FKBP5: variants seen among roughly 807,000 people sequenced by gnomAD.
FKBP5 encodes peptidyl-prolyl cis-trans isomerase FKBP5.
FKBP5 carries 23 observed loss-of-function variants against 50.5 expected under a neutral mutation model. That is an observed-to-expected ratio of 0.46 (90% confidence interval 0.33 to 0.65). FKBP5 has a LOEUF of 0.65. Among genes scored for constraint, FKBP5 ranks in the 30% least tolerant of loss-of-function variants. The pLI is 0.02. For synonymous variants in FKBP5, 176 were observed against 190.6 expected (o/e 0.92, Z 0.63); for missense variants, 411 against 553.1 (o/e 0.74, Z 2.58).
chr6:35,714,744 G>A (rs1332235924), intron 2 of FKBP5, among the ~76,000 whole-genome samples: 6 of 150,176 alleles, frequency 4.0e-5, no homozygotes, highest in Non-Finnish European at 8.8e-5. Flanking sequence ...TTGAACCTGG[G>A]AGATGGAGGT....
rs186264450 is a variant in FKBP5, at chr6:35,707,517, G to A, written c.-20+12811C>T. Among the ~76,000 whole-genome samples the A allele has an allele frequency of 2.4e-3, 371 of 152,066 alleles. 1 individual carries two copies. Among genetic ancestry groups the A allele is most frequent in the Non-Finnish European group, 3.4e-3 (232 of 67,982 alleles). On this transcript the variant is annotated intron_variant, in intron 2 of 11. Transcript: ENST00000536438. ...ATTACAGGCGTGAGCCACCGCGCCC[G>A]GCCATGAAAAGACTTTTGACCTAAC...
intron 2 of FKBP5, among the ~76,000 whole-genome samples, chr6:35,709,297 C>G (rs990361071): frequency 6.6e-6 from 1 of 152,150 alleles, no homozygotes; most frequent in Non-Finnish European, 1.5e-5. Flanking sequence ...AGACCTGCCC[C>G]CATGATTCAA....
intron 1 of FKBP5, among the ~76,000 whole-genome samples, chr6:35,679,406 CCTATT>C (rs1406576808): frequency 6.6e-6 from 1 of 152,100 alleles, no homozygotes; most frequent in Non-Finnish European, 1.5e-5. Flanking sequence ...GGGGAAAAGG[CCTATT>C]CTGTCATTTC....
chr6:35,631,722 C>T (rs185506664), intron 3 of FKBP5, among the ~76,000 whole-genome samples: 90 of 151,950 alleles, frequency 5.9e-4, no homozygotes, highest in African/African-American at 2.1e-3. Context: ...TTTGGGAGGC[C>T]GAGGTGGGTG....
In FKBP5 at chr6:35,608,512, T is replaced by C. The variant is rs113664093; in HGVS notation, c.508+10584A>G. The stretch of plus-strand genomic sequence containing the variant: ...GAGTTCAAGACCAGCTTGAGCAATA[T>C]AGCAAGACCCCGTCTCTAAAAGGAT... On this transcript the variant is annotated intron_variant, in intron 5 of 10. Coordinates refer to ENST00000357266, the MANE Select transcript of FKBP5 (RefSeq NM_004117.4). 5.1e-3 allele frequency among the ~76,000 whole-genome samples: 780 copies of C among 152,120 alleles called. 8 individuals are homozygous for C. The highest frequency in any genetic ancestry group is 0.017 in the African/African-American group (709 of 41,494).
At chr6:35,664,381 C>A (rs756944389) in intron 1 of FKBP5, among the ~76,000 whole-genome samples, 41 of 151,996 alleles carry the variant, frequency 2.7e-4, no homozygotes, top group Non-Finnish European at 3.5e-4. Context: ...CTACCCAAGA[C>A]CCTTTTTCCG....
chr6:35,644,617 T>A (rs1398238966), intron 1 of FKBP5, among the ~76,000 whole-genome samples: 1 of 152,204 alleles, frequency 6.6e-6, no homozygotes, highest in Non-Finnish European at 1.5e-5. Flanking sequence ...TGGCTCAGGA[T>A]AAGCGAAAGG....
intron 5 of FKBP5, among the ~76,000 whole-genome samples, chr6:35,611,336 C>T (rs927377342): frequency 6.6e-6 from 1 of 152,168 alleles, no homozygotes; most frequent in Non-Finnish European, 1.5e-5. Flanking sequence ...ACCTGTAGAA[C>T]ACTCTGTTGA....
chr6:35,648,956 TA>T (rs1170202531), intron 1 of FKBP5, among the ~76,000 whole-genome samples: 11 of 149,798 alleles, frequency 7.3e-5, no homozygotes, highest in Non-Finnish European at 1.2e-4. Flanking sequence ...TCTCAAAAAA[TA>T]AAAATAAAAA....
At position 35,613,027 on chromosome 6, in the gene FKBP5, T is replaced by C. The variant is rs9462099; in HGVS notation, c.508+6069A>G. Among the ~76,000 whole-genome samples the C allele has an allele frequency of 9.1e-3, 1,383 of 152,214 alleles. 21 individuals carry two copies. The highest frequency in any genetic ancestry group is 0.03 in the African/African-American group (1,253 of 41,536). On this transcript the variant is annotated intron_variant, in intron 5 of 10. Transcript: ENST00000357266. ...AAGTATCAGGTAGCAATTCCAAGAT[T>C]CAAAAATCAAGTCCATCACTTACAA...
chr6:35,620,429 AAATT>A (rs1763796529), intron 3 of FKBP5, among the ~76,000 whole-genome samples, 155 bp from the exon 4 acceptor site: 1 of 152,172 alleles, frequency 6.6e-6, no homozygotes, highest in Non-Finnish European at 1.5e-5. Context: ...ACAAATAAAT[AAATT>A]ATTTTTTTTG....
rs1399523147 is a variant in FKBP5, at chr6:35,587,215, A to G, written c.757-98T>C. On this transcript the variant is annotated intron_variant, in intron 7 of 10. Coordinates refer to ENST00000357266, the MANE Select transcript of FKBP5 (RefSeq NM_004117.4). ...AGCAGCTAATTCTAGAAGATACTCCAAACTGAAAACACTCTGGCTGTTGAA... is the reference window on the plus strand; with the variant it reads ...AGCAGCTAATTCTAGAAGATACTCCGAACTGAAAACACTCTGGCTGTTGAA... 4.8e-6 allele frequency: 5 copies of G among 1,044,668 alleles called. No homozygotes were observed. In the African/African-American group the frequency reaches 7.8e-5, roughly 16 times the overall value. 64.7% of individuals were successfully genotyped at this position (1,044,668 alleles called of 1,614,324 possible). A position where few individuals can be genotyped will look rare whatever the true frequency, so the allele number is the denominator to read the frequency against.
At chr6:35,684,499 C>T (rs1381885286) in intron 1 of FKBP5, among the ~76,000 whole-genome samples, 1 of 152,074 alleles carries the variant, frequency 6.6e-6, no homozygotes, top group African/African-American at 2.4e-5. Flanking sequence ...AGAAGAAAAA[C>T]AGCCTTGATT....
At chr6:35,663,359 G>T (rs1321253500) in intron 1 of FKBP5, among the ~76,000 whole-genome samples, 2 of 152,230 alleles carry the variant, frequency 1.3e-5, no homozygotes, top group Non-Finnish European at 2.9e-5. Context: ...GACTGTGAAG[G>T]ACCTTGTGTG....
At chr6:35,725,983 T>C (rs577547574) in intron 1 of FKBP5, among the ~76,000 whole-genome samples, 2 of 152,334 alleles carry the variant, frequency 1.3e-5, no homozygotes, top group African/African-American at 4.8e-5. Flanking sequence ...GCTCACACTC[T>C]GTACCCTGTT....
intron 3 of FKBP5, among the ~76,000 whole-genome samples, chr6:35,635,138 T>C (rs1393524249): frequency 1.3e-5 from 2 of 151,696 alleles, no homozygotes; most frequent in African/African-American, 2.4e-5. Context: ...AGTTCATGGC[T>C]AGCCTGGCCA....
In FKBP5 at chr6:35,688,866, TCAGCCCGCCCAG is replaced by T. The variant is rs1403437414; in HGVS notation, c.-94_-83del. 1 of 150,846 alleles carries T rather than the reference TCAGCCCGCCCAG, an allele frequency of 6.6e-6. No individual in the cohort carries two copies. Among genetic ancestry groups the T allele is most frequent in the East Asian group, 2.0e-4 (1 of 5,080 alleles). 9.3% of individuals were successfully genotyped at this position (150,846 alleles called of 1,614,324 possible). A position where few individuals can be genotyped will look rare whatever the true frequency, so the allele number is the denominator to read the frequency against. On this transcript the variant is annotated 5_prime_UTR_variant, in exon 1 of 11. Coordinates refer to ENST00000357266, the MANE Select transcript of FKBP5 (RefSeq NM_004117.4). Reference sequence around the variant, plus strand: ...GCCTTGCCCGTGCTCCGCTAACCCTTCAGCCCGCCCAGCAGGCCGCCCGCGCGCCGGACACCG... The same window carrying T: ...GCCTTGCCCGTGCTCCGCTAACCCTTCAGGCCGCCCGCGCGCCGGACACCG...
intron 5 of FKBP5, among the ~76,000 whole-genome samples, chr6:35,610,813 T>TA (rs1176480299): frequency 2.6e-5 from 4 of 151,160 alleles, no homozygotes; most frequent in Non-Finnish European, 4.4e-5. Flanking sequence ...TCTGGGAGTT[T>TA]AAAAAAAAAT....
At chr6:35,581,576 C>A in intron 8 of FKBP5, 1 of 972,506 alleles carries the variant, frequency 1.0e-6, no homozygotes, top group Non-Finnish European at 1.2e-6. Flanking sequence ...GGTGACAGAG[C>A]GAGACTCCTC....
Sources: allele counts gnomAD v4.1 joint callset (sites outside exome capture counted in the v4.1 genomes callset), GRCh38; gene constraint gnomAD v4.1.1; transcripts MANE v1.5; gene names NCBI Gene and HGNC (gene_info 2026-07-23, HGNC 2026-07-21).